The following C8orf34 variants were observed in gnomAD, a reference collection of about 807,000 sequenced individuals.
The protein encoded by C8orf34 is uncharacterized protein C8orf34.
In C8orf34, 65 loss-of-function variants were observed where a neutral mutation model predicts 68.3. The ratio of observed to expected loss-of-function variants is 0.95; its 90% CI spans 0.78 to 1.17. C8orf34 has a LOEUF of 1.17. Among genes scored for constraint, C8orf34 ranks in the 50% most tolerant of loss-of-function variants. The probability of loss-of-function intolerance (pLI) is 0.00; values close to 1 mark genes in which losing one functional copy is unlikely to be tolerated. For synonymous variants in C8orf34, 244 were observed against 241.2 expected, an observed-to-expected ratio of 1.01 and a Z score of -0.11; for missense variants, 664 against 655.4, an observed-to-expected ratio of 1.01 and a Z score of -0.14.
chr8:68,356,120 G>A (rs1315739785), intron 1 of C8orf34, among the ~76,000 whole-genome samples: 1 of 152,092 alleles, frequency 6.6e-6, no homozygotes, highest in Non-Finnish European at 1.5e-5. Context: ...CTTCTAAAGA[G>A]TTGTCAAATG....
chr8:68,398,617 GTATTATGTGGTACA>G (rs1290717814), intron 1 of C8orf34, among the ~76,000 whole-genome samples: 5 of 152,010 alleles, frequency 3.3e-5, no homozygotes, highest in Non-Finnish European at 7.4e-5. Context: ...GTATATCAAA[GTATTATGTGGTACA>G]TATTATGTTG....
intron 7 of C8orf34, among the ~76,000 whole-genome samples, chr8:68,604,064 T>A (rs545410510): frequency 2.6e-5 from 4 of 152,230 alleles, no homozygotes; most frequent in South Asian, 2.1e-4. Context: ...AAAAACACCA[T>A]GGAAATTCAA....
intron 9 of C8orf34, among the ~76,000 whole-genome samples, chr8:68,718,539 A>T (rs1821542050): frequency 6.6e-6 from 1 of 152,212 alleles, no homozygotes; most frequent in Non-Finnish European, 1.5e-5. Flanking sequence ...GATTTAGTAC[A>T]TTCTTTTCTA....
intron 7 of C8orf34, among the ~76,000 whole-genome samples, chr8:68,552,098 T>G (rs1816093383): frequency 6.6e-6 from 1 of 152,144 alleles, no homozygotes; most frequent in Admixed American, 6.5e-5. Context: ...ATGTCTGTCT[T>G]TATGACAATA....
rs962746213 is a variant in C8orf34 at position 68,687,539 on chromosome 8, C to T, written c.1242-21455C>T. On this transcript the variant is annotated intron_variant, in intron 8 of 13. Transcript: ENST00000518698. ...AGGACACCGTATTCAAAAAATGGTG[C>T]TGGGAAAACTGGCAAGCCACGTGTA... Among the ~76,000 whole-genome samples the T allele has an allele frequency of 2.0e-5, 3 of 152,090 alleles. No individual in the cohort carries two copies. The South Asian group carries it at 6.2e-4, about 32-fold the overall frequency.
intron 1 of C8orf34, among the ~76,000 whole-genome samples, chr8:68,385,685 T>G (rs1416829806): frequency 6.6e-6 from 1 of 152,184 alleles, no homozygotes; most frequent in Non-Finnish European, 1.5e-5. Context: ...TGGAAAAGCC[T>G]TTCATATACA....
chr8:68,435,053 A>T (rs1264423283), intron 1 of C8orf34, among the ~76,000 whole-genome samples: 1 of 151,146 alleles, frequency 6.6e-6, no homozygotes, highest in Non-Finnish European at 1.5e-5. Context: ...CCATCTCAAA[A>T]AAAAAAAAAA....
intron 4 of C8orf34, among the ~76,000 whole-genome samples, chr8:68,477,957 G>A (rs1812693634): frequency 1.3e-5 from 2 of 152,170 alleles, no homozygotes; most frequent in South Asian, 4.1e-4. Context: ...CCTGGCCCAG[G>A]AAACCATTTT....
intron 7 of C8orf34, among the ~76,000 whole-genome samples, chr8:68,593,769 C>T (rs957696796): frequency 9.2e-5 from 14 of 151,598 alleles, no homozygotes; most frequent in Non-Finnish European, 1.9e-4. Flanking sequence ...TTATTGTTTG[C>T]TGTTTTTATT....
intron 1 of C8orf34, among the ~76,000 whole-genome samples, chr8:68,342,402 G>GT (rs1418602071): frequency 2.0e-5 from 3 of 152,056 alleles, no homozygotes; most frequent in Non-Finnish European, 4.4e-5. Flanking sequence ...TAGAAGATAA[G>GT]TTACCGGTTA....
chr8:68,595,172 A>G (rs575306559), intron 7 of C8orf34, among the ~76,000 whole-genome samples: 1 of 151,388 alleles, frequency 6.6e-6, no homozygotes, highest in East Asian at 1.9e-4. Context: ...TTTCTAAGTA[A>G]TATACTGACA....
intron 11 of C8orf34, among the ~76,000 whole-genome samples, chr8:68,782,229 A>G (rs1823697732): frequency 6.6e-6 from 1 of 152,066 alleles, no homozygotes; most frequent in African/African-American, 2.4e-5. Context: ...CAGCAGTGTG[A>G]TTTCCCTCTC....
At chr8:68,433,562 C>A (rs149684040) in intron 1 of C8orf34, among the ~76,000 whole-genome samples, 414 of 152,292 alleles carry the variant, frequency 2.7e-3, no homozygotes, top group Non-Finnish European at 4.8e-3. Context: ...AGTCCCAAGT[C>A]ACAAATTTTT....
chr8:68,696,122 C>T (rs568824152), intron 8 of C8orf34, among the ~76,000 whole-genome samples: 9 of 151,116 alleles, frequency 6.0e-5, no homozygotes, highest in South Asian at 2.1e-4. Context: ...GCGGTGATTG[C>T]GCAACTATAC....
At position 68,331,246 on chromosome 8, in the gene C8orf34, C is replaced by G; in HGVS notation, c.234C>G (p.Leu78=). The change falls in exon 1 of 14, where the codon CTC becomes CTG. Residue 78 remains leucine (L), a synonymous_variant. Transcript: ENST00000518698. ...CACAGCCGCGCGTTCTCCCTGCACT[C>G]TCTTCGCGGTCCCATCTGTTCCCCA... ...GGAQPRVLPA[L]SSRSHLFPMA... 1 of 1,536,344 alleles carries G rather than the reference C, an allele frequency of 6.5e-7. No homozygotes were observed. Among genetic ancestry groups the G allele is most frequent in the Non-Finnish European group, 8.7e-7 (1 of 1,146,964 alleles).
At chr8:68,378,918 C>T (rs889535222) in intron 1 of C8orf34, among the ~76,000 whole-genome samples, 4 of 151,698 alleles carry the variant, frequency 2.6e-5, no homozygotes, top group Non-Finnish European at 4.4e-5. Flanking sequence ...TAAAAACATC[C>T]GGTTAAGAAG....
intron 8 of C8orf34, among the ~76,000 whole-genome samples, chr8:68,643,645 G>A (rs1260704610): frequency 6.6e-6 from 1 of 152,002 alleles, no homozygotes; most frequent in Admixed American, 6.6e-5. Flanking sequence ...TAGCTTTCTG[G>A]GGTCTTTTTT....
intron 3 of C8orf34, among the ~76,000 whole-genome samples, chr8:68,456,493 G>C (rs547152071): frequency 6.6e-6 from 1 of 152,232 alleles, no homozygotes; most frequent in Non-Finnish European, 1.5e-5. Flanking sequence ...ATGAATAAAT[G>C]AATAAATGAG....
intron 7 of C8orf34, among the ~76,000 whole-genome samples, chr8:68,621,941 G>A (rs1284496236): frequency 6.6e-6 from 1 of 152,218 alleles, no homozygotes; most frequent in Admixed American, 6.5e-5. Context: ...TCTAGGCACA[G>A]CTTAACTGGG....
Sources: allele counts gnomAD v4.1 joint callset (sites outside exome capture counted in the v4.1 genomes callset), GRCh38; gene constraint gnomAD v4.1.1; transcripts MANE v1.5; gene names NCBI Gene and HGNC (gene_info 2026-07-23, HGNC 2026-07-21).